MYH15: variants seen among roughly 807,000 people sequenced by gnomAD.
The protein encoded by MYH15 is myosin heavy chain 15, also known as myosin-15.
Under a neutral mutation model 240.5 loss-of-function variants are expected in MYH15, and 227 were observed. That is an observed-to-expected ratio of 0.94 (90% CI 0.85 to 1.05). The LOEUF is 1.05. Among genes scored for constraint, MYH15 ranks in the 50% least tolerant of loss-of-function variants. The pLI is 0.00. For missense variants in MYH15, 2,217 were observed against 2,247.5 expected, an observed-to-expected ratio of 0.99 and a Z score of 0.27; for synonymous variants, 785 against 796.7, an observed-to-expected ratio of 0.99 and a Z score of 0.25.
intron 24 of MYH15, among the ~76,000 whole-genome samples, chr3:108,439,053 G>GAAAA (rs113630582): frequency 3.5e-5 from 5 of 141,604 alleles, no homozygotes; most frequent in African/African-American, 1.3e-4. Context: ...CAGATAAGAA[G>GAAAA]AAAAAAAAAA....
At chr3:108,387,492 G>A (rs757943696) in intron 38 of MYH15, among the ~76,000 whole-genome samples, 5 of 152,216 alleles carry the variant, frequency 3.3e-5, no homozygotes, top group South Asian at 2.1e-4. Context: ...GGTAAGACAC[G>A]ATAGAACAAG....
chr3:108,500,542 C>A (rs532585694), intron 3 of MYH15, among the ~76,000 whole-genome samples: 1 of 152,134 alleles, frequency 6.6e-6, no homozygotes, highest in East Asian at 1.9e-4. Flanking sequence ...ACAGAGAGGA[C>A]CCTGATGGCA....
intron 7 of MYH15, among the ~76,000 whole-genome samples, chr3:108,495,535 A>G (rs1042520792): frequency 1.3e-5 from 2 of 152,166 alleles, no homozygotes; most frequent in African/African-American, 4.8e-5. Context: ...TGAAACTATT[A>G]AGATAAATGC....
rs1171438194 is a variant in MYH15 at position 108,394,124 on chromosome 3, C to T, written c.5166G>A (p.Leu1722=). 6.2e-7 allele frequency: 1 copy of T among 1,614,122 alleles called. No individual in the cohort carries two copies. Among genetic ancestry groups the T allele is most frequent in the East Asian group, 2.2e-5 (1 of 44,882 alleles). The part of the protein sequence containing the change: ...NTSLLSQKKK[L]EADVARMQKE... ...TCTGCATCCGGGCAACATCAGCCTCCAGTTTCTTCTTCTGGCTGAGGAGGC... is the reference window on the plus strand; with the variant it reads ...TCTGCATCCGGGCAACATCAGCCTCTAGTTTCTTCTTCTGGCTGAGGAGGC... Residue 1722 remains leucine, a synonymous_variant, in exon 36 of 41, where the codon CTG becomes CTA. Transcript: ENST00000693548.
At chr3:108,499,627 C>T (rs1445352921) in intron 4 of MYH15, 145 bp from the exon 5 acceptor site, 2 of 778,098 alleles carry the variant, frequency 2.6e-6, no homozygotes, top group African/African-American at 1.8e-5. Context: ...AAAACATACC[C>T]CTCAAATGGT....
intron 36 of MYH15, 77 bp from the exon 37 acceptor site, chr3:108,392,007 C>G (rs1041456131): frequency 9.9e-6 from 15 of 1,509,378 alleles, no homozygotes; most frequent in Non-Finnish European, 4.5e-6. Flanking sequence ...ATCTTTAGTT[C>G]CTGGTCTGAC....
chr3:108,429,914 T>C (rs2082763834), intron 26 of MYH15, among the ~76,000 whole-genome samples: 1 of 152,208 alleles, frequency 6.6e-6, no homozygotes, highest in African/African-American at 2.4e-5. Context: ...AATACCACCA[T>C]TGAACCAAAC....
chr3:108,448,164 C>T (rs925676019), intron 21 of MYH15, among the ~76,000 whole-genome samples: 1 of 151,944 alleles, frequency 6.6e-6, no homozygotes, highest in South Asian at 2.1e-4. Context: ...CCTAGCATTA[C>T]AAAATATTAT....
chr3:108,472,299 C>G (rs1272047585), intron 12 of MYH15, among the ~76,000 whole-genome samples: 2 of 152,176 alleles, frequency 1.3e-5, no homozygotes, highest in Non-Finnish European at 2.9e-5. Flanking sequence ...TGGCCATTCT[C>G]CAAGCCTGGA....
At chr3:108,403,716 T>G (rs1576211488) in intron 33 of MYH15, among the ~76,000 whole-genome samples, 1 of 152,144 alleles carries the variant, frequency 6.6e-6, no homozygotes. Context: ...TAACTAAAAT[T>G]TATGAATAGC....
At chr3:108,512,665 G>A (rs2083530456), upstream of MYH15, among the ~76,000 whole-genome samples, 1 of 152,154 alleles carries the variant, frequency 6.6e-6, no homozygotes, top group Non-Finnish European at 1.5e-5. Flanking sequence ...GTCTGTCAAT[G>A]TGTGCCATGT....
At position 108,505,777 on chromosome 3, in the gene MYH15, C is replaced by G. The variant is rs2083471159; in HGVS notation, c.141G>C (p.Glu47Asp). Residue 47 changes from glutamate to aspartate, a missense_variant, in exon 2 of 41, where the codon GAG becomes GAC. Glu to Asp is a conservative substitution (Grantham distance 45). Transcript: ENST00000693548. ...PDGENAYIEA[E>D]VKGSEDDGTV... ...TTCCATCATCTTCACTCCCTTTTAC[C>G]TCAGCCTCGATATAAGCATTCTCAC... 1 of 1,612,842 alleles carries G rather than the reference C, an allele frequency of 6.2e-7. No homozygotes were observed. Among genetic ancestry groups the G allele is most frequent in the African/African-American group, 1.3e-5 (1 of 74,626 alleles).
chr3:108,461,857 CGAG>C, intron 16 of MYH15: 1 of 152,052 alleles, frequency 6.6e-6, no homozygotes, highest in Non-Finnish European at 1.5e-5. Flanking sequence ...CTATGTCAGT[CGAG>C]AGAACCAATC....
chr3:108,532,313 TCCAA>T (rs2083717021), upstream of MYH15, among the ~76,000 whole-genome samples: 1 of 152,100 alleles, frequency 6.6e-6, no homozygotes, highest in South Asian at 2.1e-4. Flanking sequence ...GTAGACCTTA[TCCAA>T]TCAAAAAATC....
At chr3:108,476,622 A>G (rs1212874196) in intron 11 of MYH15, 107 bp from the exon 12 acceptor site, 1 of 692,620 alleles carries the variant, frequency 1.4e-6, no homozygotes, top group Admixed American at 2.4e-5. Flanking sequence ...TAGTGTGTTT[A>G]CATCAGCGTA....
chr3:108,470,224 T>A lies in MYH15; in HGVS notation c.1384-12A>T, dbSNP rs758163588. The stretch of plus-strand genomic sequence containing the variant: ...TCAAGGCTATTATACTTCAAGGATA[T>A]GAATAGGTAAGAAGAAGAGATAAAA... On this transcript the variant is annotated splice_polypyrimidine_tract_variant and intron_variant, in intron 13 of 40. Transcript: ENST00000693548. 1.9e-6 allele frequency: 3 copies of A among 1,559,698 alleles called. No individual in the cohort carries two copies. The Admixed American group carries it at 6.0e-5, about 31-fold the overall frequency.
intron 30 of MYH15, 44 bp from the exon 31 acceptor site, chr3:108,410,976 T>C: frequency 1.3e-6 from 2 of 1,483,336 alleles, no homozygotes; most frequent in Non-Finnish European, 1.8e-6. Flanking sequence ...GCAATAACTC[T>C]CAGAGAGCTC....
chr3:108,517,227 A>T (rs914706328), intron 1 of MYH15, among the ~76,000 whole-genome samples: 7 of 152,162 alleles, frequency 4.6e-5, no homozygotes, highest in Admixed American at 2.6e-4. Context: ...TGGCTCTTTA[A>T]TCCTTTCAGA....
chr3:108,397,375 C>T (rs1024312914), intron 35 of MYH15, among the ~76,000 whole-genome samples: 4 of 152,228 alleles, frequency 2.6e-5, no homozygotes, highest in Non-Finnish European at 5.9e-5. Context: ...ACCTGGCTGG[C>T]TTCTTACATG....
Sources: gnomAD v4.1 joint callset for allele counts (sites outside exome capture counted in the v4.1 genomes callset) on GRCh38, gnomAD v4.1.1 for gene constraint, MANE v1.5 for transcripts, NCBI Gene and HGNC (gene_info 2026-07-23, HGNC 2026-07-21) for gene names.